The following NUP210 variants were observed in gnomAD, a reference collection of about 807,000 sequenced individuals.
The protein encoded by NUP210 is nuclear pore membrane glycoprotein 210.
Under a neutral mutation model 196.0 loss-of-function variants are expected in NUP210, and 151 were observed. That is an observed-to-expected ratio of 0.77 (90% CI 0.67 to 0.88). The LOEUF is 0.88. Among genes scored for constraint, NUP210 ranks in the 40% least tolerant of loss-of-function variants. The pLI is 0.00. For missense variants in NUP210, 2,314 were observed against 2,493.7 expected (o/e 0.93, Z 1.53); for synonymous variants, 1,070 against 1,052.7 (o/e 1.02, Z -0.32).
intron 6 of NUP210, among the ~76,000 whole-genome samples, chr3:13,382,486 A>G (rs546955997): frequency 7.9e-5 from 12 of 152,324 alleles, no homozygotes; most frequent in African/African-American, 2.9e-4. Context: ...CCCAGCACTT[A>G]GCAAAGGGCT....
chr3:13,399,862 C>T lies in NUP210; in HGVS notation c.168-1G>A, dbSNP rs1699778647. 2.5e-6 allele frequency: 4 copies of T among 1,602,258 alleles called. No homozygotes were observed. Among genetic ancestry groups the T allele is most frequent in the Admixed American group, 1.7e-5 (1 of 59,166 alleles). On this transcript the variant is annotated splice_acceptor_variant, in intron 1 of 39. Transcript: ENST00000254508. LOFTEE classifies it high-confidence loss of function. ...GGCCACCTCCGGCCGGGTGGACAAC[C>T]TGCAGTGGAAGAAGACAGCATTTAC...
At chr3:13,320,033 T>C in intron 36 of NUP210, 54 bp from the exon 37 acceptor site, 15 of 1,534,612 alleles carry the variant, frequency 9.8e-6, no homozygotes, top group Non-Finnish European at 1.3e-5. Context: ...GGGGGACCAC[T>C]GAGCGGGGCC....
At chr3:13,338,746 A>G (rs774594109) in intron 25 of NUP210, among the ~76,000 whole-genome samples, 5 of 152,152 alleles carry the variant, frequency 3.3e-5, no homozygotes, top group Non-Finnish European at 5.9e-5. Context: ...GGCTCAGAAC[A>G]TGCCTTTCAG....
At position 13,335,444 on chromosome 3, in the gene NUP210, T is replaced by A. The variant is rs1697172717; in HGVS notation, c.3843+10A>T. The A allele has an allele frequency of 6.2e-7, 1 of 1,609,724 alleles. No individual in the cohort carries two copies. Among genetic ancestry groups the A allele is most frequent in the African/African-American group, 1.3e-5 (1 of 74,858 alleles). On this transcript the variant is annotated intron_variant, in intron 28 of 39. Coordinates refer to ENST00000254508, the MANE Select transcript of NUP210 (RefSeq NM_024923.4). ...CCCCCTTCCCTGTGGCCTTTCCACC[T>A]GCCTCCTACCTGGACTTGGATCTCA...
chr3:13,358,540 T>C lies in NUP210; in HGVS notation c.2155-145A>G. ...ATGACGATACCCATGCCACAGGGTCTTAACAAAGGCCCAGTGGCACACAGG... is the reference window on the plus strand; with the variant it reads ...ATGACGATACCCATGCCACAGGGTCCTAACAAAGGCCCAGTGGCACACAGG... On this transcript the variant is annotated intron_variant, in intron 15 of 39. Transcript: ENST00000254508. 3.9e-6 allele frequency: 3 copies of C among 759,812 alleles called. No individual in the cohort carries two copies. The South Asian group carries it at 5.9e-5, about 15-fold the overall frequency. The allele number at this position is 759,812 out of a possible 1,614,324, so 47.1% of individuals were successfully genotyped here. A position where few individuals can be genotyped will look rare whatever the true frequency, so the allele number is the denominator to read the frequency against.
intron 39 of NUP210, among the ~76,000 whole-genome samples, chr3:13,318,096 A>G (rs923985984): frequency 1.3e-5 from 2 of 152,204 alleles, no homozygotes; most frequent in African/African-American, 4.8e-5. Flanking sequence ...TCTGAATGCA[A>G]TGCAGCCTCG....
intron 3 of NUP210, 45 bp downstream of exon 3, chr3:13,397,312 T>C (rs1356779838): frequency 2.5e-6 from 4 of 1,588,126 alleles, no homozygotes; most frequent in African/African-American, 2.7e-5. Context: ...GGGGGGATGA[T>C]CTAGCATGGG....
In NUP210 at chr3:13,340,155, G is replaced by A. The variant is rs938530925; in HGVS notation, c.3291+81C>T. 1.2e-5 allele frequency: 19 copies of A among 1,605,216 alleles called. No individual in the cohort carries two copies. The African/African-American group carries it at 1.5e-4, about 12-fold the overall frequency. On this transcript the variant is annotated intron_variant, in intron 24 of 39. Transcript: ENST00000254508. This position sits in a 1 kb window ranked among gnomAD's most constrained non-coding sequence, Gnocchi z 4.0. ...TGCCTTCTTCTCCCAGTCACTGCAC[G>A]CAGGGCCAGAGGCGGCGTGCCTGGA...
In NUP210 at chr3:13,343,250, G is replaced by A. The variant is rs779506374; in HGVS notation, c.2889C>T (p.Leu963=). Residue 963 remains leucine, a synonymous_variant, in exon 21 of 40, where the codon CTC becomes CTT. Coordinates refer to ENST00000254508, the MANE Select transcript of NUP210 (RefSeq NM_024923.4). ...SSTIMIHDLC[L]VFPAPAKAVV... ...CAGCCTTGGCTGGGGCCGGGAAGAC[G>A]AGGCACAAGTCATGGATCATGATGG... The A allele has an allele frequency of 9.9e-6, 16 of 1,612,638 alleles. 1 individual carries two copies. The highest frequency in any genetic ancestry group is 7.7e-5 in the South Asian group (7 of 91,062).
At chr3:13,417,747 C>A (rs1700393360) in intron 1 of NUP210, among the ~76,000 whole-genome samples, 1 of 152,220 alleles carries the variant, frequency 6.6e-6, no homozygotes, top group Non-Finnish European at 1.5e-5. Context: ...CACACATCTG[C>A]AGTCACACAT....
intron 16 of NUP210, 54 bp downstream of exon 16, chr3:13,358,167 CT>C: frequency 6.6e-7 from 1 of 1,522,972 alleles, no homozygotes. Context: ...CACCAATGTC[CT>C]CCTGCCCAAG....
rs149916127 is a variant in NUP210, at chr3:13,379,596, G to C, written c.943C>G (p.Leu315Val). ...CCAAGGACGAGGCTGCTCTGTCCCA[G>C]CTGCAGTGCAGTGACCATCGACGTG... ...QDTSMVTALQ[L>V]GQSSLVLGHR... The change falls in exon 7 of 40, where the codon CTG (leucine) becomes GTG (valine). Residue 315 changes from leucine to valine, a missense_variant. Leu to Val is a conservative substitution (Grantham distance 32). Coordinates refer to ENST00000254508, the MANE Select transcript of NUP210 (RefSeq NM_024923.4). This position sits in a 1 kb window ranked among gnomAD's most constrained non-coding sequence, Gnocchi z 4.2. 8.7e-6 allele frequency: 14 copies of C among 1,614,028 alleles called. No individual in the cohort carries two copies. Among genetic ancestry groups the C allele is most frequent in the African/African-American group, 6.7e-5 (5 of 74,912 alleles).
chr3:13,319,649 G>A, intron 37 of NUP210, 114 bp downstream of exon 37: 1 of 874,450 alleles, frequency 1.1e-6, no homozygotes, highest in Non-Finnish European at 1.8e-6. Context: ...GGGACATTCT[G>A]CATTTCTGAC....
At chr3:13,355,109 C>T (rs1014023561) in intron 16 of NUP210, among the ~76,000 whole-genome samples, 1 of 152,216 alleles carries the variant, frequency 6.6e-6, no homozygotes, top group African/African-American at 2.4e-5. Context: ...CTATGACACA[C>T]AAAGCACAAC....
intron 4 of NUP210, among the ~76,000 whole-genome samples, 186 bp from the exon 5 acceptor site, chr3:13,388,639 A>G (rs935966443): frequency 1.3e-5 from 2 of 152,236 alleles, no homozygotes; most frequent in Non-Finnish European, 2.9e-5. Flanking sequence ...CAGAACTGCC[A>G]AAGTCCTTGT....
In NUP210 at chr3:13,321,716, C is replaced by T; in HGVS notation, c.5035G>A (p.Glu1679Lys). Residue 1679 changes from glutamate (E) to lysine (K), a missense_variant, in exon 36 of 40, where the codon GAG (glutamate) becomes AAG (lysine). Transcript: ENST00000254508. ...ASLSSSHFST[E>K]QVGAEVPFSP... ...AAGGGCACCTCGGCCCCCACCTGCT[C>T]TGTGGAGAAGTGGCTGCTGGAGAGG... 1 of 1,614,188 alleles carries T rather than the reference C, an allele frequency of 6.2e-7. No homozygotes were observed. The highest frequency in any genetic ancestry group is 8.5e-7 in the Non-Finnish European group (1 of 1,180,048).
intron 33 of NUP210, among the ~76,000 whole-genome samples, chr3:13,324,152 T>C (rs1696648303): frequency 6.6e-6 from 1 of 152,096 alleles, no homozygotes. Context: ...CGCTCAGGGC[T>C]TACCACCATC....
chr3:13,337,292 G>A (rs530014865), intron 26 of NUP210, among the ~76,000 whole-genome samples: 5 of 152,164 alleles, frequency 3.3e-5, no homozygotes, highest in Admixed American at 6.6e-5. Context: ...CACAGGGCAC[G>A]TGTGGGTGGG....
intron 8 of NUP210, among the ~76,000 whole-genome samples, chr3:13,378,045 C>T (rs932726106): frequency 1.3e-5 from 2 of 152,226 alleles, no homozygotes; most frequent in African/African-American, 2.4e-5. Context: ...CTGACCTCGC[C>T]AGGACCAACC....
Sources: gnomAD v4.1 joint callset for allele counts (sites outside exome capture counted in the v4.1 genomes callset) on GRCh38, gnomAD v4.1.1 for gene constraint, Gnocchi (gnomAD v3.1) non-coding constraint, MANE v1.5 for transcripts, NCBI Gene and HGNC (gene_info 2026-07-23, HGNC 2026-07-21) for gene names.